The following EPHB1 variants were observed in gnomAD, a reference collection of about 807,000 sequenced individuals.
EPHB1 encodes the protein ephrin type-B receptor 1.
EPHB1 carries 30 observed loss-of-function variants against 94.4 expected under a neutral mutation model. That is an observed-to-expected ratio of 0.32 (90% confidence interval 0.24 to 0.43). The LOEUF (loss-of-function observed/expected upper bound fraction) is 0.43, where lower values mean the gene tolerates loss of function less well. Among genes scored for constraint, EPHB1 ranks in the 20% least tolerant of loss-of-function variants. The pLI is 1.00. For synonymous variants in EPHB1, 522 were observed against 489.1 expected (o/e 1.07, Z -0.89); for missense variants, 1,055 against 1,308.3 (o/e 0.81, Z 2.99).
chr3:135,130,041 T>C (rs969725267), intron 4 of EPHB1, among the ~76,000 whole-genome samples: 2 of 152,064 alleles, frequency 1.3e-5, no homozygotes, highest in Non-Finnish European at 2.9e-5. Flanking sequence ...AGGGGGGAAA[T>C]TGTGCAGAAG....
chr3:134,887,398 G>A (rs1486214340), intron 1 of EPHB1, among the ~76,000 whole-genome samples: 1 of 152,220 alleles, frequency 6.6e-6, no homozygotes, highest in Non-Finnish European at 1.5e-5. Flanking sequence ...CACAAGGACA[G>A]CCTGGCTTCA....
chr3:135,083,948 A>T (rs1466869369), intron 3 of EPHB1, among the ~76,000 whole-genome samples: 1 of 152,086 alleles, frequency 6.6e-6, no homozygotes, highest in Non-Finnish European at 1.5e-5. Flanking sequence ...TGATGATGAC[A>T]GTTCAGTAGG....
At chr3:135,160,635 G>A (rs1256919721) in intron 6 of EPHB1, among the ~76,000 whole-genome samples, 2 of 152,138 alleles carry the variant, frequency 1.3e-5, no homozygotes, top group African/African-American at 4.8e-5. Context: ...TCAAGCTTCT[G>A]TTCATGCATA....
At chr3:135,193,244 G>C (rs1043266207) in intron 11 of EPHB1, among the ~76,000 whole-genome samples, 1 of 152,172 alleles carries the variant, frequency 6.6e-6, no homozygotes, top group African/African-American at 2.4e-5. Context: ...AGTAAAACAG[G>C]TTGCCATTTT....
At chr3:135,138,603 G>A (rs1469513868) in intron 5 of EPHB1, among the ~76,000 whole-genome samples, 1 of 152,072 alleles carries the variant, frequency 6.6e-6, no homozygotes, top group Admixed American at 6.6e-5. Flanking sequence ...TCATTTTTAA[G>A]GGCTGTGCTT....
At chr3:135,019,875 C>G (rs987467170) in intron 3 of EPHB1, among the ~76,000 whole-genome samples, 3 of 152,154 alleles carry the variant, frequency 2.0e-5, no homozygotes, top group African/African-American at 7.2e-5. Context: ...AATCCATAGG[C>G]ACTTTTGTGC....
chr3:134,941,513 A>G (rs1336645476), intron 2 of EPHB1, among the ~76,000 whole-genome samples: 1 of 151,852 alleles, frequency 6.6e-6, no homozygotes, highest in Non-Finnish European at 1.5e-5. Flanking sequence ...TTGACCAGTA[A>G]TATTATTTCT....
At chr3:135,210,141 A>G (rs1942999380) in intron 12 of EPHB1, among the ~76,000 whole-genome samples, 2 of 152,222 alleles carry the variant, frequency 1.3e-5, no homozygotes, top group Admixed American at 1.3e-4. Flanking sequence ...TCAATTCTCA[A>G]ATTCTCAAAT....
At chr3:134,940,551 G>T (rs2039090635) in intron 2 of EPHB1, among the ~76,000 whole-genome samples, 1 of 152,148 alleles carries the variant, frequency 6.6e-6, no homozygotes, top group Non-Finnish European at 1.5e-5. Flanking sequence ...TCTCAGCAAT[G>T]GGCCAGGCAC....
At chr3:134,994,985 CTT>C (rs1491096620) in intron 3 of EPHB1, among the ~76,000 whole-genome samples, 1 of 95,942 alleles carries the variant, frequency 1.0e-5, no homozygotes, top group Admixed American at 9.6e-5. Context: ...TTTACATACA[CTT>C]GTGTGTGTGT....
chr3:135,227,300 A>T (rs1455671263), intron 12 of EPHB1, among the ~76,000 whole-genome samples: 1 of 152,244 alleles, frequency 6.6e-6, no homozygotes, highest in Non-Finnish European at 1.5e-5. Flanking sequence ...CATAACATTA[A>T]AAAATAAAAA....
intron 12 of EPHB1, among the ~76,000 whole-genome samples, chr3:135,221,635 A>G (rs912394001): frequency 2.1e-4 from 32 of 152,134 alleles, no homozygotes; most frequent in African/African-American, 7.7e-4. Context: ...GATCCAGAAA[A>G]CATGATTTTA....
rs2035809864 is a variant in EPHB1 at position 134,795,659 on chromosome 3, C to A, written c.28C>A (p.Leu10Ile). 1 of 1,609,716 alleles carries A rather than the reference C, an allele frequency of 6.2e-7. No individual in the cohort carries two copies. The highest frequency in any genetic ancestry group is 1.4e-5 in the African/African-American group (1 of 73,948). The stretch of plus-strand genomic sequence containing the variant: ...GGCCCTGGATTATCTACTACTGCTC[C>A]TCCTGGCATCCGCAGTGGCTGCGAT... MALDYLLLL[L>I]LASAVAAMEE... Residue 10 changes from leucine (L) to isoleucine (I), a missense_variant, in exon 1 of 16, where the codon CTC (leucine) becomes ATC (isoleucine). By Grantham distance (5) the Leu-to-Ile change is conservative (BLOSUM62 2). Transcript: ENST00000398015.
At chr3:134,944,081 A>G (rs573256636) in intron 2 of EPHB1, among the ~76,000 whole-genome samples, 1 of 152,112 alleles carries the variant, frequency 6.6e-6, no homozygotes, top group Admixed American at 6.5e-5. Flanking sequence ...CATTTTTATC[A>G]CTCCTAAAAA....
At chr3:134,811,861 T>C (rs187792982) in intron 1 of EPHB1, among the ~76,000 whole-genome samples, 3 of 152,324 alleles carry the variant, frequency 2.0e-5, no homozygotes, top group Admixed American at 1.3e-4. Context: ...GATGTCCACC[T>C]TAGCTGGTCC....
intron 1 of EPHB1, among the ~76,000 whole-genome samples, chr3:134,810,489 C>T (rs1461217314): frequency 6.6e-6 from 1 of 152,174 alleles, no homozygotes; most frequent in Non-Finnish European, 1.5e-5. Flanking sequence ...ATGAGAACAA[C>T]GCTCATTCTA....
chr3:134,797,763 T>G (rs2035858671), intron 1 of EPHB1, among the ~76,000 whole-genome samples: 1 of 152,086 alleles, frequency 6.6e-6, no homozygotes, highest in African/African-American at 2.4e-5. Context: ...TGCTGCAGCC[T>G]GGAAACTTTG....
chr3:135,206,442 C>T (rs1942902730), intron 12 of EPHB1, among the ~76,000 whole-genome samples: 1 of 152,154 alleles, frequency 6.6e-6, no homozygotes, highest in South Asian at 2.1e-4. Flanking sequence ...TGTTTTGATT[C>T]TCAATTCTGC....
chr3:135,227,551 C>T (rs994764587), intron 12 of EPHB1, among the ~76,000 whole-genome samples: 8 of 152,262 alleles, frequency 5.3e-5, no homozygotes, highest in South Asian at 4.1e-4. Flanking sequence ...TCCCCTTCAG[C>T]GCCTCACTTC....
Sources: allele counts gnomAD v4.1 joint callset (sites outside exome capture counted in the v4.1 genomes callset), GRCh38; gene constraint gnomAD v4.1.1; transcripts MANE v1.5; gene names NCBI Gene and HGNC (gene_info 2026-07-23, HGNC 2026-07-21).